Variants in MBD5 observed in about 807,000 individuals in gnomAD.
MBD5 encodes methyl-CpG-binding domain protein 5.
In MBD5, 13 loss-of-function variants were observed where a neutral mutation model predicts 117.3. The observed-to-expected ratio is 0.11, with a 90% confidence interval of 0.07 to 0.18. The LOEUF (loss-of-function observed/expected upper bound fraction) is 0.18, where lower values mean the gene tolerates loss of function less well. Ranked by LOEUF, MBD5 falls within the 10% of genes least tolerant of loss-of-function variation. MBD5 has a pLI of 1.00. For synonymous variants in MBD5, 727 were observed against 766.4 expected (o/e 0.95, Z 0.85); for missense variants, 1,879 against 2,093.8 (o/e 0.90, Z 2.00).
chr2:148,506,098 G>A (rs987435079), intron 12 of MBD5, among the ~76,000 whole-genome samples: 3 of 152,210 alleles, frequency 2.0e-5, no homozygotes, highest in African/African-American at 7.2e-5. Flanking sequence ...CATATTAGAT[G>A]TTTGGTATTT....
chr2:148,498,746 A>G (rs1404155751), intron 11 of MBD5, among the ~76,000 whole-genome samples: 2 of 152,214 alleles, frequency 1.3e-5, no homozygotes, highest in Non-Finnish European at 2.9e-5. Flanking sequence ...GAGATACATG[A>G]GGTCCCACTG....
chr2:148,496,136 G>T (rs769549783), intron 11 of MBD5, among the ~76,000 whole-genome samples: 3 of 152,206 alleles, frequency 2.0e-5, no homozygotes, highest in Admixed American at 1.3e-4. Context: ...TGTTGGAAAT[G>T]AATCCTTTTC....
chr2:148,308,869 A>T (rs13388448), intron 3 of MBD5, among the ~76,000 whole-genome samples: 30,883 of 151,934 alleles, frequency 0.2, 3,269 homozygotes, highest in African/African-American at 0.21. Flanking sequence ...GTTTTCTGCA[A>T]ATGGCTAGCC....
At chr2:148,227,597 G>A (rs1351291303) in intron 2 of MBD5, among the ~76,000 whole-genome samples, 1 of 152,170 alleles carries the variant, frequency 6.6e-6, no homozygotes, top group African/African-American at 2.4e-5. Flanking sequence ...GGCAATGTGG[G>A]CTCTATTTTG....
intron 2 of MBD5, among the ~76,000 whole-genome samples, chr2:148,227,755 G>C (rs1281308559): frequency 6.6e-6 from 1 of 152,154 alleles, no homozygotes; most frequent in African/African-American, 2.4e-5. Context: ...AGCATGGAAT[G>C]TTCTTCCATT....
intron 4 of MBD5, among the ~76,000 whole-genome samples, chr2:148,447,033 A>T (rs1032758725): frequency 1.3e-5 from 2 of 151,544 alleles, no homozygotes; most frequent in African/African-American, 2.4e-5. Flanking sequence ...ACAATGTGAT[A>T]TTGCCAATGA....
intron 4 of MBD5, among the ~76,000 whole-genome samples, chr2:148,441,211 C>T (rs554556538): frequency 3.9e-5 from 6 of 152,098 alleles, no homozygotes; most frequent in African/African-American, 9.6e-5. Context: ...CCCATTAACT[C>T]GTCATTTAAC....
Position 148,469,062 on chromosome 2 carries a change from T to C in MBD5, c.1119T>C (p.Pro373=), listed in dbSNP as rs1574459848. The part of the protein sequence containing the change: ...PIPSKPVNQN[P]VIINPTSFHS... Reference sequence around the variant, plus strand: ...CTAGTAAACCAGTGAATCAGAACCCTGTTATCATTAATCCAACCAGTTTCC... The same window carrying C: ...CTAGTAAACCAGTGAATCAGAACCCCGTTATCATTAATCCAACCAGTTTCC... Residue 373 remains proline, a synonymous_variant, in exon 8 of 14, where the codon CCT becomes CCC. Coordinates refer to ENST00000642680, the MANE Select transcript of MBD5 (RefSeq NM_001378120.1). 1.9e-6 allele frequency: 3 copies of C among 1,613,906 alleles called. No homozygotes were observed. Among genetic ancestry groups the C allele is most frequent in the Middle Eastern group, 1.7e-4 (1 of 6,060 alleles).
rs59445751 is a variant in MBD5 at position 148,105,221 on chromosome 2, CTT to C, written c.-924-73465_-924-73464del. ...TATAGTTAGATTATAACGTTTCTTT[CTT>C]TTTTTTTTTTTTTGAGACAGAACCT... On this transcript the variant is annotated intron_variant, in intron 1 of 13. Coordinates refer to ENST00000642680, the MANE Select transcript of MBD5 (RefSeq NM_001378120.1). 7.6e-3 allele frequency among the ~76,000 whole-genome samples: 987 copies of C among 130,002 alleles called. 9 individuals carry two copies. The highest frequency in any genetic ancestry group is 0.02 in the African/African-American group (707 of 35,908). 85.3% of individuals were successfully genotyped at this position (130,002 alleles called of 152,430 possible). A position where few individuals can be genotyped will look rare whatever the true frequency, so the allele number is the denominator to read the frequency against.
At chr2:148,330,115 A>ACACACACACACACACACACTCACT (rs148068244) in intron 3 of MBD5, among the ~76,000 whole-genome samples, 1 of 127,526 alleles carries the variant, frequency 7.8e-6, no homozygotes, top group Admixed American at 9.1e-5. Context: ...ACACACACAC[A>ACACACACACACACACACACTCACT]CACTCTACCT....
intron 3 of MBD5, among the ~76,000 whole-genome samples, chr2:148,272,075 T>C (rs942719989): frequency 1.3e-5 from 2 of 152,218 alleles, no homozygotes; most frequent in African/African-American, 4.8e-5. Context: ...TCACTTAACA[T>C]AATTCCTCCA....
At chr2:148,510,773 G>A (rs1682191517) in intron 13 of MBD5, among the ~76,000 whole-genome samples, 1 of 152,192 alleles carries the variant, frequency 6.6e-6, no homozygotes, top group Admixed American at 6.5e-5. Context: ...ACAATTGAAT[G>A]ATGGGATTAG....
intron 3 of MBD5, among the ~76,000 whole-genome samples, chr2:148,260,350 T>C (rs1003528768): frequency 2.0e-5 from 3 of 152,204 alleles, no homozygotes; most frequent in Admixed American, 6.5e-5. Flanking sequence ...TGCTCATCCG[T>C]TCAAGTTTTA....
intron 1 of MBD5, among the ~76,000 whole-genome samples, chr2:148,114,474 A>G (rs577114629): frequency 6.6e-6 from 1 of 152,300 alleles, no homozygotes; most frequent in African/African-American, 2.4e-5. Context: ...CATCTCAAAA[A>G]AAAACCAGAG....
At chr2:148,129,655 A>G (rs1250589054) in intron 1 of MBD5, among the ~76,000 whole-genome samples, 1 of 152,216 alleles carries the variant, frequency 6.6e-6, no homozygotes, top group Non-Finnish European at 1.5e-5. Flanking sequence ...ATTGGTAGTA[A>G]GTTTTAAGAG....
At chr2:148,327,639 C>T in intron 3 of MBD5, among the ~76,000 whole-genome samples, 1 of 151,464 alleles carries the variant, frequency 6.6e-6, no homozygotes, top group East Asian at 1.9e-4. Context: ...CGCATTGGCT[C>T]CTGAGGCTTC....
chr2:148,188,112 T>C (rs907161437), intron 2 of MBD5, among the ~76,000 whole-genome samples: 5 of 152,202 alleles, frequency 3.3e-5, no homozygotes, highest in African/African-American at 1.2e-4. Flanking sequence ...AAGGAAATGA[T>C]CATTGGAGCA....
At chr2:148,452,383 G>T (rs918402276) in intron 4 of MBD5, among the ~76,000 whole-genome samples, 2 of 151,936 alleles carry the variant, frequency 1.3e-5, no homozygotes, top group East Asian at 1.9e-4. Context: ...ACCTGTGATC[G>T]CAGCTATACA....
At chr2:148,070,018 C>T (rs1281429473) in intron 1 of MBD5, among the ~76,000 whole-genome samples, 1 of 152,130 alleles carries the variant, frequency 6.6e-6, no homozygotes, top group African/African-American at 2.4e-5. Context: ...CCCTGTTCGG[C>T]TGTGGACATT....
Sources: gnomAD v4.1 joint callset for allele counts (sites outside exome capture counted in the v4.1 genomes callset) on GRCh38, gnomAD v4.1.1 for gene constraint, MANE v1.5 for transcripts, NCBI Gene and HGNC (gene_info 2026-07-23, HGNC 2026-07-21) for gene names.